MACROD2: variants seen among roughly 807,000 people sequenced by gnomAD.
MACROD2 encodes ADP-ribose glycohydrolase MACROD2.
MACROD2 carries 36 observed loss-of-function variants against 70.4 expected under a neutral mutation model. That is an observed-to-expected ratio of 0.51 (90% CI 0.39 to 0.68). The LOEUF is 0.68. MACROD2 is among the 30% of genes least tolerant of loss of function. The pLI, the probability that MACROD2 is intolerant of heterozygous loss-of-function variation, is 0.00. For synonymous variants in MACROD2, 172 were observed against 178.8 expected (o/e 0.96, Z 0.30); for missense variants, 496 against 538.4 (o/e 0.92, Z 0.78).
intron 3 of MACROD2, among the ~76,000 whole-genome samples, chr20:14,448,874 G>A (rs1021839210): frequency 9.9e-5 from 15 of 152,156 alleles, no homozygotes; most frequent in African/African-American, 3.4e-4. Context: ...ATATTTGAAT[G>A]TATTAATTTT....
intron 7 of MACROD2, among the ~76,000 whole-genome samples, chr20:15,490,825 G>C (rs992861940): frequency 6.6e-6 from 1 of 152,176 alleles, no homozygotes. Context: ...GAGCTAATGG[G>C]AGTGATAGAA....
intron 5 of MACROD2, among the ~76,000 whole-genome samples, chr20:15,110,180 GCTC>G (rs1174729665): frequency 6.6e-6 from 1 of 152,140 alleles, no homozygotes; most frequent in Non-Finnish European, 1.5e-5. Context: ...TCTTGTCAAT[GCTC>G]CTGTGCAGTG....
intron 3 of MACROD2, among the ~76,000 whole-genome samples, chr20:14,452,340 A>G (rs1428879025): frequency 6.6e-6 from 1 of 152,136 alleles, no homozygotes; most frequent in East Asian, 1.9e-4. Context: ...CTTAACATTT[A>G]GGGATAATAT....
chr20:15,396,629 C>T (rs946489399), intron 6 of MACROD2, among the ~76,000 whole-genome samples: 1 of 152,168 alleles, frequency 6.6e-6, no homozygotes, highest in Non-Finnish European at 1.5e-5. Context: ...AAGTAAAATG[C>T]TGTTCTTAAT....
At chr20:15,956,580 A>C (rs2065979761) in intron 12 of MACROD2, among the ~76,000 whole-genome samples, 1 of 152,182 alleles carries the variant, frequency 6.6e-6, no homozygotes. Context: ...TTAGACACAA[A>C]AACGAAATGC....
intron 3 of MACROD2, among the ~76,000 whole-genome samples, chr20:14,460,863 A>G (rs1361432034): frequency 6.6e-6 from 1 of 151,956 alleles, no homozygotes; most frequent in Non-Finnish European, 1.5e-5. Context: ...TTCATCAGGG[A>G]TATTGGCCTG....
chr20:15,574,563 A>G (rs1486600793), intron 8 of MACROD2, among the ~76,000 whole-genome samples: 1 of 152,140 alleles, frequency 6.6e-6, no homozygotes, highest in African/African-American at 2.4e-5. Flanking sequence ...ATGTTTTAGA[A>G]GATTTTTAGC....
chr20:15,647,745 A>G, intron 8 of MACROD2, among the ~76,000 whole-genome samples: 1 of 137,680 alleles, frequency 7.3e-6, no homozygotes, highest in Non-Finnish European at 1.6e-5. Flanking sequence ...TTTGAGATGG[A>G]GTCTTGCTCT....
intron 8 of MACROD2, among the ~76,000 whole-genome samples, chr20:15,811,654 T>A (rs2147088237): frequency 6.6e-6 from 1 of 152,032 alleles, no homozygotes; most frequent in Non-Finnish European, 1.5e-5. Flanking sequence ...TCCCCAGACA[T>A]ATCAAAGGCC....
At chr20:15,159,400 C>A (rs1472811226) in intron 5 of MACROD2, among the ~76,000 whole-genome samples, 2 of 151,924 alleles carry the variant, frequency 1.3e-5, no homozygotes, top group African/African-American at 4.8e-5. Flanking sequence ...TCAATCAAGA[C>A]TCTTGGAATT....
At chr20:14,247,956 T>G (rs1374657232) in intron 3 of MACROD2, among the ~76,000 whole-genome samples, 1 of 152,174 alleles carries the variant, frequency 6.6e-6, no homozygotes, top group Admixed American at 6.5e-5. Context: ...AAACACAGCA[T>G]CATAGGTGGA....
At chr20:15,938,593 G>A (rs772246759) in intron 12 of MACROD2, among the ~76,000 whole-genome samples, 1 of 152,020 alleles carries the variant, frequency 6.6e-6, no homozygotes, top group Non-Finnish European at 1.5e-5. Context: ...TCCCCTGTCT[G>A]TCCCCTTTTC....
intron 5 of MACROD2, among the ~76,000 whole-genome samples, chr20:15,208,314 T>A (rs2076729279): frequency 6.6e-6 from 1 of 152,136 alleles, no homozygotes; most frequent in Non-Finnish European, 1.5e-5. Flanking sequence ...TTTCTATCTG[T>A]TTGTTTGTTT....
chr20:16,048,646 G>A (rs185241552), intron 17 of MACROD2, among the ~76,000 whole-genome samples: 57 of 152,256 alleles, frequency 3.7e-4, no homozygotes, highest in Middle Eastern at 3.4e-3. Context: ...CACTAGTATT[G>A]AATTATAAAG....
At chr20:14,308,356 T>TA (rs1273462432) in intron 3 of MACROD2, among the ~76,000 whole-genome samples, 1 of 152,148 alleles carries the variant, frequency 6.6e-6, no homozygotes, top group Non-Finnish European at 1.5e-5. Flanking sequence ...ATATGAATCT[T>TA]ACGTAGCTGA....
rs544565513 is a variant in MACROD2, at chr20:15,190,338, G to A, written c.419-39602G>A. The stretch of plus-strand genomic sequence containing the variant: ...AGTAGGTGCTGCAAGGATGTGAGAC[G>A]TGTAGTTAAATGGCTCAGCAGATGA... On this transcript the variant is annotated intron_variant, in intron 5 of 17. Coordinates refer to ENST00000684519, the MANE Select transcript of MACROD2 (RefSeq NM_001351661.2). Among the ~76,000 whole-genome samples the A allele has an allele frequency of 3.0e-4, 45 of 152,232 alleles. No homozygotes were observed. In the South Asian group the frequency reaches 3.5e-3, roughly 12 times the overall value.
chr20:14,489,209 A>G (rs188165545), intron 3 of MACROD2, among the ~76,000 whole-genome samples: 17 of 152,294 alleles, frequency 1.1e-4, no homozygotes, highest in African/African-American at 3.8e-4. Context: ...AAATTACACC[A>G]TTGCCCAAAA....
intron 5 of MACROD2, among the ~76,000 whole-genome samples, chr20:15,069,711 C>T (rs1388108168): frequency 6.6e-6 from 1 of 152,346 alleles, no homozygotes; most frequent in East Asian, 1.9e-4. Context: ...GCGAAGTCTG[C>T]AAGCATGCAG....
intron 6 of MACROD2, among the ~76,000 whole-genome samples, chr20:15,409,015 A>G (rs1273265558): frequency 6.6e-6 from 1 of 152,054 alleles, no homozygotes; most frequent in African/African-American, 2.4e-5. Flanking sequence ...TTTTCTTTAT[A>G]CTTTCTTCTT....
Sources: allele counts gnomAD v4.1 joint callset (sites outside exome capture counted in the v4.1 genomes callset), GRCh38; gene constraint gnomAD v4.1.1; transcripts MANE v1.5; gene names NCBI Gene and HGNC (gene_info 2026-07-23, HGNC 2026-07-21).